The following RBFOX1 variants were observed in gnomAD, a reference collection of about 807,000 sequenced individuals.
The protein encoded by RBFOX1 is RNA binding protein fox-1 homolog 1.
In RBFOX1, 8 loss-of-function variants were observed where a neutral mutation model predicts 57.7. The observed-to-expected ratio is 0.14, with a 90% CI of 0.08 to 0.25. The LOEUF (loss-of-function observed/expected upper bound fraction) is 0.25. Among genes scored for constraint, RBFOX1 ranks in the 10% least tolerant of loss-of-function variants. The probability of loss-of-function intolerance (pLI) is 1.00; values close to 1 mark genes in which losing one functional copy is unlikely to be tolerated. For synonymous variants in RBFOX1, 326 were observed against 222.4 expected (o/e 1.47, Z -4.15); for missense variants, 611 against 548.5 (o/e 1.11, Z -1.14).
At chr16:5,420,674 C>G (rs528432109) in intron 1 of RBFOX1, among the ~76,000 whole-genome samples, 1 of 152,258 alleles carries the variant, frequency 6.6e-6, no homozygotes, top group South Asian at 2.1e-4. Flanking sequence ...GCTGGGACTA[C>G]AGGCGTGCGC....
At chr16:6,711,449 C>G (rs1285082625) in intron 3 of RBFOX1, among the ~76,000 whole-genome samples, 1 of 152,108 alleles carries the variant, frequency 6.6e-6, no homozygotes, top group East Asian at 1.9e-4. Context: ...ATGGTAATCC[C>G]CACGTGTCAA....
chr16:6,940,407 G>A (rs1379496245), intron 3 of RBFOX1, among the ~76,000 whole-genome samples: 2 of 152,148 alleles, frequency 1.3e-5, no homozygotes, highest in African/African-American at 2.4e-5. Context: ...CAATTCAGGA[G>A]CAGCTAAAGC....
chr16:5,997,522 T>C (rs546838774), intron 4 of RBFOX1, among the ~76,000 whole-genome samples: 1 of 152,348 alleles, frequency 6.6e-6, no homozygotes, highest in Non-Finnish European at 1.5e-5. Flanking sequence ...ACCTGTACTT[T>C]ATCTGACATA....
chr16:5,856,251 G>GTGTA (rs2057049148), intron 3 of RBFOX1, among the ~76,000 whole-genome samples: 2 of 21,260 alleles, frequency 9.4e-5, no homozygotes, highest in African/African-American at 3.4e-4. Context: ...GTATATATAT[G>GTGTA]TATATATATG....
In RBFOX1 at chr16:7,511,826, G is replaced by A. The variant is rs529385129; in HGVS notation, c.28-6321G>A. On this transcript the variant is annotated intron_variant, in intron 4 of 15. Transcript: ENST00000550418. ...TTCTCTGTTTATCCTAATAAATGTT[G>A]TTTATTTCAAGCTTCTAGTCAGTTG... Among the ~76,000 whole-genome samples, 10 of 152,246 alleles carry A rather than the reference G, an allele frequency of 6.6e-5. No individual in the cohort carries two copies. In the South Asian group the frequency reaches 8.3e-4, roughly 13 times the overall value.
In RBFOX1 at chr16:6,344,564, A is replaced by G. The variant is rs550479614; in HGVS notation, c.-64+27507A>G. 1.6e-3 allele frequency among the ~76,000 whole-genome samples: 246 copies of G among 149,882 alleles called. 2 individuals carry two copies. Among genetic ancestry groups the G allele is most frequent in the African/African-American group, 5.9e-3 (238 of 40,616 alleles). On this transcript the variant is annotated intron_variant, in intron 2 of 15. Transcript: ENST00000550418. ...AGGTACCCACCACTGCGCCCGGCTA[A>G]TTTTTTGTATTTTTAGTAGAGACGG...
intron 4 of RBFOX1, among the ~76,000 whole-genome samples, chr16:7,187,091 C>T (rs12926852): frequency 0.36 from 54,818 of 151,028 alleles, 11,102 homozygotes; most frequent in African/African-American, 0.56. Context: ...CCACTTTAGC[C>T]TCATGAGGTC....
chr16:5,626,727 T>G (rs2048360740), intron 3 of RBFOX1, among the ~76,000 whole-genome samples: 1 of 152,146 alleles, frequency 6.6e-6, no homozygotes, highest in African/African-American at 2.4e-5. Context: ...GTTTCCTTAC[T>G]TTCTGGTGAT....
intron 4 of RBFOX1, among the ~76,000 whole-genome samples, chr16:7,416,929 T>G (rs1173526180): frequency 6.6e-6 from 1 of 152,154 alleles, no homozygotes; most frequent in African/African-American, 2.4e-5. Context: ...AGCAGAAAAC[T>G]GGGGCTTAGA....
At chr16:6,752,613 G>A (rs1198390404) in intron 3 of RBFOX1, among the ~76,000 whole-genome samples, 3 of 152,098 alleles carry the variant, frequency 2.0e-5, no homozygotes, top group Non-Finnish European at 4.4e-5. Flanking sequence ...TTTTATTATG[G>A]CATCTTGCCA....
intron 4 of RBFOX1, among the ~76,000 whole-genome samples, chr16:7,514,604 A>C (rs954415336): frequency 6.6e-6 from 1 of 152,086 alleles, no homozygotes; most frequent in African/African-American, 2.4e-5. Context: ...AGCCTGCTGG[A>C]GGAGGGACTC....
At chr16:6,403,023 T>G (rs1247865881) in intron 2 of RBFOX1, among the ~76,000 whole-genome samples, 1 of 152,204 alleles carries the variant, frequency 6.6e-6, no homozygotes, top group Non-Finnish European at 1.5e-5. Flanking sequence ...GTTGATGTAT[T>G]TGTTTAATTC....
intron 1 of RBFOX1, among the ~76,000 whole-genome samples, chr16:6,170,719 T>G (rs2096954017): frequency 2.0e-5 from 3 of 152,110 alleles, no homozygotes; most frequent in Admixed American, 2.0e-4. Flanking sequence ...ACCCAATAGC[T>G]ATTTTTCTGC....
intron 1 of RBFOX1, among the ~76,000 whole-genome samples, chr16:6,180,978 C>T (rs9929229): frequency 1.3e-5 from 2 of 152,132 alleles, no homozygotes; most frequent in Non-Finnish European, 2.9e-5. Flanking sequence ...TAAGAAGTCT[C>T]CTGTCCTCTA....
At chr16:6,231,244 G>A (rs2097457751) in intron 1 of RBFOX1, among the ~76,000 whole-genome samples, 1 of 147,804 alleles carries the variant, frequency 6.8e-6, no homozygotes, top group Admixed American at 6.8e-5. Flanking sequence ...GTGTAGGTGT[G>A]TGTGTGTGTG....
intron 3 of RBFOX1, among the ~76,000 whole-genome samples, chr16:6,669,562 T>C (rs1005163579): frequency 1.3e-5 from 2 of 152,210 alleles, no homozygotes; most frequent in Admixed American, 6.5e-5. Flanking sequence ...GATTTTCATA[T>C]ACATTATGAA....
At chr16:5,369,800 A>G (rs1343851382) in intron 1 of RBFOX1, among the ~76,000 whole-genome samples, 1 of 152,150 alleles carries the variant, frequency 6.6e-6, no homozygotes, top group African/African-American at 2.4e-5. Flanking sequence ...CTGCTTCTAG[A>G]CGCTATCATT....
intron 3 of RBFOX1, among the ~76,000 whole-genome samples, chr16:6,666,424 A>G (rs906428158): frequency 2.0e-5 from 3 of 151,498 alleles, no homozygotes; most frequent in East Asian, 2.0e-4. Context: ...AATCCTAGCC[A>G]TGCTATTCGG....
chr16:5,976,144 C>G (rs1475487582), intron 4 of RBFOX1, among the ~76,000 whole-genome samples: 1 of 151,742 alleles, frequency 6.6e-6, no homozygotes, highest in African/African-American at 2.4e-5. Flanking sequence ...GATTCAATCT[C>G]AAAATAAATT....
Sources: allele counts gnomAD v4.1 joint callset (sites outside exome capture counted in the v4.1 genomes callset), GRCh38; gene constraint gnomAD v4.1.1; transcripts MANE v1.5; gene names NCBI Gene and HGNC (gene_info 2026-07-23, HGNC 2026-07-21).